The following SMARCA5 variants were observed in gnomAD, a reference collection of about 807,000 sequenced individuals.
SMARCA5 encodes the protein SNF2 related chromatin remodeling ATPase 5.
A neutral mutation model predicts 140.4 loss-of-function variants in SMARCA5; 18 were observed. The observed-to-expected ratio is 0.13, with a 90% CI of 0.09 to 0.19. The LOEUF is 0.19. Ranked by LOEUF, SMARCA5 falls within the 10% of genes least tolerant of loss-of-function variation. The probability of loss-of-function intolerance (pLI) is 1.00; values close to 1 mark genes in which losing one functional copy is unlikely to be tolerated. For synonymous variants in SMARCA5, 449 were observed against 419.6 expected (o/e 1.07, Z -0.86); for missense variants, 606 against 1,276.8 (o/e 0.47, Z 8.01).
chr4:143,553,161 A>G lies in SMARCA5; in HGVS notation c.3136A>G (p.Arg1046Gly). 1 of 1,612,410 alleles carries G rather than the reference A, an allele frequency of 6.2e-7. No homozygotes were observed. The highest frequency in any genetic ancestry group is 8.5e-7 in the Non-Finnish European group (1 of 1,178,658). ...GGATGGCGCACCTGATGGTCGAGGA[A>G]GAAAAAAGAAGCTGAAACTATGAAT... is the stretch of plus-strand genomic sequence containing the variant. ...KMDGAPDGRG[R>G]KKKLKL The change falls in exon 24 of 24, where the codon AGA becomes GGA. Residue 1046 changes from arginine (R) to glycine (G), a missense_variant. Arg to Gly is a moderately radical substitution (Grantham distance 125, BLOSUM62 -2). This residue lies in a region of SMARCA5 where 40 missense variants were observed against 59.8 expected (regional missense o/e 0.67). Coordinates refer to ENST00000283131, the MANE Select transcript of SMARCA5 (RefSeq NM_003601.4).
chr4:143,518,767 T>TA (rs1230690662), intron 2 of SMARCA5, among the ~76,000 whole-genome samples: 2 of 152,144 alleles, frequency 1.3e-5, no homozygotes. Context: ...CTATCAAACT[T>TA]AGAGAAAAAA....
chr4:143,530,396 T>C, intron 8 of SMARCA5, 62 bp from the exon 9 acceptor site: 1 of 1,002,334 alleles, frequency 1.0e-6, no homozygotes, highest in South Asian at 1.4e-5. Context: ...CTATATCTGG[T>C]ATTATAGGGT....
rs1737731013 is a variant in SMARCA5, at chr4:143,555,615, C to A, written c.*2431C>A. 3.5e-6 allele frequency: 1 copy of A among 289,006 alleles called. No homozygotes were observed. The highest frequency in any genetic ancestry group is 3.4e-5 in the South Asian group (1 of 29,226). 17.9% of individuals were successfully genotyped at this position (289,006 alleles called of 1,614,324 possible). A position where few individuals can be genotyped will look rare whatever the true frequency, so the allele number is the denominator to read the frequency against. ...AAGCATGAAAGATTGCTTAATTGTA[C>A]ATCTGACAAAGTGCTGGAGGCTATT... On this transcript the variant is annotated 3_prime_UTR_variant, in exon 24 of 24. Coordinates refer to ENST00000283131, the MANE Select transcript of SMARCA5 (RefSeq NM_003601.4).
At chr4:143,519,543 A>G (rs1736912047) in intron 2 of SMARCA5, among the ~76,000 whole-genome samples, 1 of 151,974 alleles carries the variant, frequency 6.6e-6, no homozygotes, top group South Asian at 2.1e-4. Flanking sequence ...AGTGGCCTTT[A>G]TTGGAACTCT....
rs1417746397 is a variant in SMARCA5 at position 143,557,155 on chromosome 4, C to G, written c.*3971C>G. 3.9e-5 allele frequency: 6 copies of G among 152,124 alleles called. No homozygotes were observed. Among genetic ancestry groups the G allele is most frequent in the African/African-American group, 9.7e-5 (4 of 41,420 alleles). 9.4% of individuals were successfully genotyped at this position (152,124 alleles called of 1,614,324 possible). ...AGAAGATTGAGGATCTAGGTACTTG[C>G]CTTTAACTCTACAGCATACAAGGTG... On this transcript the variant is annotated 3_prime_UTR_variant, in exon 24 of 24. Coordinates refer to ENST00000283131, the MANE Select transcript of SMARCA5 (RefSeq NM_003601.4).
At chr4:143,514,217 C>T in intron 1 of SMARCA5, 116 bp downstream of exon 1, 1 of 925,024 alleles carries the variant, frequency 1.1e-6, no homozygotes, top group Non-Finnish European at 1.6e-6. Context: ...CCAGACTCAG[C>T]TTCACACCCT....
chr4:143,522,089 G>A (rs1183939106), intron 3 of SMARCA5, among the ~76,000 whole-genome samples: 3 of 152,064 alleles, frequency 2.0e-5, no homozygotes, highest in Non-Finnish European at 4.4e-5. Context: ...ACTTGAATTT[G>A]AATCTGACTT....
chr4:143,517,787 C>T (rs149617250), intron 2 of SMARCA5, among the ~76,000 whole-genome samples: 56 of 152,214 alleles, frequency 3.7e-4, no homozygotes, highest in African/African-American at 1.2e-3. Flanking sequence ...AACACTGTTG[C>T]GTTGGGGATT....
chr4:143,553,383 A>G lies in SMARCA5; in HGVS notation c.*199A>G. 2.2e-6 allele frequency: 1 copy of G among 463,332 alleles called. No individual in the cohort carries two copies. Among genetic ancestry groups the G allele is most frequent in the South Asian group, 4.4e-5 (1 of 22,756 alleles). 28.7% of individuals were successfully genotyped at this position (463,332 alleles called of 1,614,324 possible). ...GTGCTGAAATTTTTTTATCATTAAC[A>G]CTTGAAGTAATAAAATAGGCTTCAT... On this transcript the variant is annotated 3_prime_UTR_variant, in exon 24 of 24. Transcript: ENST00000283131.
intron 11 of SMARCA5, 120 bp from the exon 12 acceptor site, chr4:143,538,466 TTCCC>T: frequency 1.4e-6 from 1 of 717,944 alleles, no homozygotes; most frequent in Non-Finnish European, 2.3e-6. Context: ...GTAGATTTTT[TTCCC>T]CCTTGTAACC....
chr4:143,524,220 C>T (rs1344388103), intron 3 of SMARCA5, 147 bp from the exon 4 acceptor site: 2 of 492,082 alleles, frequency 4.1e-6, no homozygotes, highest in East Asian at 6.4e-5. Flanking sequence ...TTTAAATGTA[C>T]TCATATTTTC....
intron 7 of SMARCA5, 65 bp from the exon 8 acceptor site, chr4:143,528,517 CT>C: frequency 7.0e-7 from 1 of 1,429,640 alleles, no homozygotes; most frequent in East Asian, 2.4e-5. Flanking sequence ...GGTTCCAGGT[CT>C]TTGCTGTTGT....
intron 2 of SMARCA5, among the ~76,000 whole-genome samples, chr4:143,521,011 T>G (rs1281345461): frequency 6.6e-6 from 1 of 152,236 alleles, no homozygotes; most frequent in Non-Finnish European, 1.5e-5. Flanking sequence ...TAAAAATTGT[T>G]CCGATCAACT....
At position 143,554,285 on chromosome 4, in the gene SMARCA5, G is replaced by A. The variant is rs1449504525; in HGVS notation, c.*1101G>A. 1 of 152,114 alleles carries A rather than the reference G, an allele frequency of 6.6e-6. No homozygotes were observed. The highest frequency in any genetic ancestry group is 1.5e-5 in the Non-Finnish European group (1 of 68,004). 9.4% of individuals were successfully genotyped at this position (152,114 alleles called of 1,614,324 possible). ...ATTTGTATAAAATTTTATATGTGCAGATTGGGTACATAAACAGTTCTCCAT... is the reference window on the plus strand; with the variant it reads ...ATTTGTATAAAATTTTATATGTGCAAATTGGGTACATAAACAGTTCTCCAT... On this transcript the variant is annotated 3_prime_UTR_variant, in exon 24 of 24. Coordinates refer to ENST00000283131, the MANE Select transcript of SMARCA5 (RefSeq NM_003601.4).
rs1037635681 is a variant in SMARCA5 at position 143,547,859 on chromosome 4, A to T, written c.2773-69A>T. On this transcript the variant is annotated intron_variant, in intron 21 of 23. Transcript: ENST00000283131. ...ATGCAACATTTTAGCTAATTATACT[A>T]AAGCTGAGTTTGAAATACAGATTAT... 3.0e-5 allele frequency: 28 copies of T among 938,734 alleles called. No homozygotes were observed. In the African/African-American group the frequency reaches 4.7e-4, roughly 16 times the overall value. The allele number at this position is 938,734 out of a possible 1,614,324, so 58.2% of individuals were successfully genotyped here.
intron 11 of SMARCA5, among the ~76,000 whole-genome samples, chr4:143,537,420 C>G (rs1737333275): frequency 6.6e-6 from 1 of 152,154 alleles, no homozygotes; most frequent in African/African-American, 2.4e-5. Context: ...GTAGGTGAAT[C>G]TCCTCTATGA....
chr4:143,540,792 T>C (rs893917637), intron 14 of SMARCA5, among the ~76,000 whole-genome samples: 10 of 152,194 alleles, frequency 6.6e-5, no homozygotes, highest in African/African-American at 2.4e-4. Flanking sequence ...TTAAGGATTT[T>C]AAAGGATTAA....
intron 8 of SMARCA5, among the ~76,000 whole-genome samples, 198 bp downstream of exon 8, chr4:143,528,912 C>T (rs1048351510): frequency 6.6e-6 from 1 of 151,894 alleles, no homozygotes; most frequent in Admixed American, 6.6e-5. Flanking sequence ...CCTTTGGTTT[C>T]AATCTTATTT....
intron 9 of SMARCA5, among the ~76,000 whole-genome samples, chr4:143,532,660 A>C (rs950692228): frequency 2.0e-5 from 3 of 152,154 alleles, no homozygotes; most frequent in Non-Finnish European, 4.4e-5. Context: ...CTAATGCTGC[A>C]AAAGAACCCC....
Sources: allele counts gnomAD v4.1 joint callset (sites outside exome capture counted in the v4.1 genomes callset), GRCh38; gene constraint gnomAD v4.1.1; regional missense constraint gnomAD v4.1.1; transcripts MANE v1.5; gene names NCBI Gene and HGNC (gene_info 2026-07-23, HGNC 2026-07-21).